The following BUD31 variants were observed in gnomAD, a reference collection of about 807,000 sequenced individuals.
BUD31 encodes the protein BUD31 spliceosome associated protein, also known as protein BUD31 homolog.
In BUD31, 9 loss-of-function variants were observed where a neutral mutation model predicts 17.9. The ratio of observed to expected loss-of-function variants is 0.50; its 90% CI spans 0.30 to 0.88. The LOEUF (loss-of-function observed/expected upper bound fraction) is 0.88. Ranked by LOEUF, BUD31 falls within the 40% of genes least tolerant of loss-of-function variation. The pLI, the probability that BUD31 is intolerant of heterozygous loss-of-function variation, is 0.06. For synonymous variants in BUD31, 70 were observed against 64.7 expected (o/e 1.08, Z -0.39); for missense variants, 148 against 184.5 (o/e 0.80, Z 1.15).
intron 4 of BUD31, 88 bp from the exon 5 acceptor site, chr7:99,417,341 C>G: frequency 7.1e-7 from 1 of 1,405,410 alleles, no homozygotes; most frequent in Non-Finnish European, 1.0e-6. Flanking sequence ...GTGTGAGCCA[C>G]TGCACCCGGC....
chr7:99,417,954 A>AAC, intron 5 of BUD31: 1 of 1,217,302 alleles, frequency 8.2e-7, no homozygotes, highest in Non-Finnish European at 1.0e-6. Context: ...GTGATACTTT[A>AAC]ACATTACCAT....
At chr7:99,417,667 T>C (rs1308522452) in intron 5 of BUD31, 72 bp downstream of exon 5, 3 of 1,587,968 alleles carry the variant, frequency 1.9e-6, no homozygotes, top group Non-Finnish European at 2.6e-6. Flanking sequence ...CAAGGGATCT[T>C]ATGTTATTTG....
At position 99,413,353 on chromosome 7, in the gene BUD31, C is replaced by T. The variant is rs115570290; in HGVS notation, c.94+2167C>T. ...CAAGTATGAGTGCCACCTGATCCTGCGTGTGTTGAAGGAGCAGCTTCTGCT... is the reference window on the plus strand; with the variant it reads ...CAAGTATGAGTGCCACCTGATCCTGTGTGTGTTGAAGGAGCAGCTTCTGCT... On this transcript the variant is annotated intron_variant, in intron 3 of 5. Transcript: ENST00000222969. Among the ~76,000 whole-genome samples the T allele has an allele frequency of 4.8e-3, 738 of 152,210 alleles. 2 individuals carry two copies. Among genetic ancestry groups the T allele is most frequent in the African/African-American group, 0.017 (701 of 41,530 alleles).
intron 3 of BUD31, chr7:99,415,167 G>A (rs759859582): frequency 2.9e-5 from 13 of 450,854 alleles, no homozygotes; most frequent in East Asian, 7.2e-5. Context: ...CCACCAAGAC[G>A]CGGAGACCGG....
At chr7:99,419,350 G>T in intron 5 of BUD31, 41 bp from the exon 6 acceptor site, 1 of 1,609,772 alleles carries the variant, frequency 6.2e-7, no homozygotes, top group South Asian at 1.1e-5. Context: ...AGGGGCGAGC[G>T]TGGCGCAGTG....
intron 1 of BUD31, among the ~76,000 whole-genome samples, chr7:99,409,816 C>A (rs565964448): frequency 6.6e-6 from 1 of 150,568 alleles, no homozygotes; most frequent in African/African-American, 2.5e-5. Flanking sequence ...AAGGGAGTGA[C>A]TGAATGAATT....
rs1053245832 is a variant in BUD31 at position 99,417,244 on chromosome 7, G to A, written c.218-185G>A. On this transcript the variant is annotated intron_variant, in intron 4 of 5. Coordinates refer to ENST00000222969, the MANE Select transcript of BUD31 (RefSeq NM_003910.4). ...ATTTTTGTATTTTTAGTAGAGACGGGGTTTTACCATGTTGGCCGGGCTGGT... is the reference window on the plus strand; with the variant it reads ...ATTTTTGTATTTTTAGTAGAGACGGAGTTTTACCATGTTGGCCGGGCTGGT... 9.1e-6 allele frequency: 5 copies of A among 547,696 alleles called. No individual in the cohort carries two copies. The East Asian group carries it at 1.7e-4, about 18-fold the overall frequency. The allele number at this position is 547,696 out of a possible 1,614,324, so 33.9% of individuals were successfully genotyped here. A position where few individuals can be genotyped will look rare whatever the true frequency, so the allele number is the denominator to read the frequency against.
chr7:99,417,313 A>G (rs751851718), intron 4 of BUD31, 116 bp from the exon 5 acceptor site: 20 of 1,083,244 alleles, frequency 1.8e-5, no homozygotes, highest in African/African-American at 3.1e-5. Context: ...TCGGCCTCCC[A>G]AAGTGCTGGG....
chr7:99,414,247 C>G (rs1353355490), intron 3 of BUD31, among the ~76,000 whole-genome samples: 1 of 151,182 alleles, frequency 6.6e-6, no homozygotes, highest in African/African-American at 2.4e-5. Context: ...TCAGGCAATT[C>G]TCCTGCCTCA....
At position 99,410,022 on chromosome 7, in the gene BUD31, C is replaced by T. The variant is rs918450484; in HGVS notation, c.-165-12C>T. On this transcript the variant is annotated splice_polypyrimidine_tract_variant and intron_variant, in intron 1 of 5. Transcript: ENST00000222969. ...CTTGGCAATCAGCCAATCCACTGCC[C>T]TCATTTTACAGAAGAAACAGGACCA... The T allele has an allele frequency of 2.0e-5, 3 of 152,094 alleles. No homozygotes were observed. Among genetic ancestry groups the T allele is most frequent in the Non-Finnish European group, 4.4e-5 (3 of 68,026 alleles). The allele number at this position is 152,094 out of a possible 1,614,324, so 9.4% of individuals were successfully genotyped here. A position where few individuals can be genotyped will look rare whatever the true frequency, so the allele number is the denominator to read the frequency against.
chr7:99,411,704 TTTTTTA>T (rs1562829493), intron 3 of BUD31: 1 of 456,040 alleles, frequency 2.2e-6, no homozygotes, highest in Admixed American at 2.4e-5. Context: ...ACCAATTGAC[TTTTTTA>T]TTTTTATTTT....
chr7:99,410,524 G>T (rs1584429227), intron 2 of BUD31, among the ~76,000 whole-genome samples: 2 of 151,714 alleles, frequency 1.3e-5, no homozygotes, highest in East Asian at 3.9e-4. Context: ...ACAGGCATGA[G>T]CCACCGTGCC....
At chr7:99,412,077 T>C (rs1374129535) in intron 3 of BUD31, 1 of 173,540 alleles carries the variant, frequency 5.8e-6, no homozygotes, top group Non-Finnish European at 1.3e-5. Flanking sequence ...TATGAGGTCG[T>C]ACCTCCAGCA....
chr7:99,414,850 A>G (rs1419867036), intron 3 of BUD31, among the ~76,000 whole-genome samples: 1 of 152,260 alleles, frequency 6.6e-6, no homozygotes, highest in Admixed American at 6.5e-5. Context: ...TGCCCACCTC[A>G]GCCTCCCAAA....
chr7:99,419,344 G>A (rs1795689487), intron 5 of BUD31, 47 bp from the exon 6 acceptor site: 5 of 1,606,818 alleles, frequency 3.1e-6, no homozygotes, highest in Non-Finnish European at 4.3e-6. Flanking sequence ...GTGTGCAGGG[G>A]CGAGCGTGGC....
intron 3 of BUD31, among the ~76,000 whole-genome samples, chr7:99,414,575 A>G (rs1748884553): frequency 6.6e-6 from 1 of 152,104 alleles, no homozygotes; most frequent in African/African-American, 2.4e-5. Flanking sequence ...GTTGTAGAAT[A>G]TATCAGTACT....
At chr7:99,411,001 TA>T in intron 2 of BUD31, 62 bp from the exon 3 acceptor site, 1 of 1,118,306 alleles carries the variant, frequency 8.9e-7, no homozygotes, top group Non-Finnish European at 1.3e-6. Flanking sequence ...TGTACCGAAA[TA>T]ATGGCTGGCA....
chr7:99,414,794 C>T (rs1185010406), intron 3 of BUD31, among the ~76,000 whole-genome samples: 1 of 152,038 alleles, frequency 6.6e-6, no homozygotes, highest in Non-Finnish European at 1.5e-5. Context: ...GATGGGGTTT[C>T]ACCATGTTGA....
In BUD31 at chr7:99,419,596, T is replaced by C. The variant is rs777703155; in HGVS notation, c.*155T>C. On this transcript the variant is annotated 3_prime_UTR_variant, in exon 6 of 6. Coordinates refer to ENST00000222969, the MANE Select transcript of BUD31 (RefSeq NM_003910.4). ...GTCTATCAGCTGTGATTTGTAAAAA[T>C]AAAATCTTTAAATCTCTCGAGCCCC... The C allele has an allele frequency of 4.6e-5, 41 of 891,204 alleles. No individual in the cohort carries two copies. The highest frequency in any genetic ancestry group is 6.8e-5 in the Non-Finnish European group (40 of 589,692). 55.2% of individuals were successfully genotyped at this position (891,204 alleles called of 1,614,324 possible). A position where few individuals can be genotyped will look rare whatever the true frequency, so the allele number is the denominator to read the frequency against.
Sources: allele counts gnomAD v4.1 joint callset (sites outside exome capture counted in the v4.1 genomes callset), GRCh38; gene constraint gnomAD v4.1.1; transcripts MANE v1.5; gene names NCBI Gene and HGNC (gene_info 2026-07-23, HGNC 2026-07-21).